Variants in NMRK2 observed in about 807,000 individuals in gnomAD.
NMRK2 encodes NRK 2.
A neutral mutation model predicts 24.7 loss-of-function variants in NMRK2; 34 were observed. That is an observed-to-expected ratio of 1.37 (90% CI 1.05 to 1.83). The LOEUF (loss-of-function observed/expected upper bound fraction) is 1.83, where lower values mean the gene tolerates loss of function less well. Among genes scored for constraint, NMRK2 ranks in the 40% most tolerant of loss-of-function variants. NMRK2 has a pLI of 0.00. For synonymous variants in NMRK2, 145 were observed against 125.6 expected, an observed-to-expected ratio of 1.15 and a Z score of -1.03; for missense variants, 341 against 315.0, an observed-to-expected ratio of 1.08 and a Z score of -0.62.
chr19:3,936,508 CCCTTCTGAGCACCCTGA>C lies in NMRK2; in HGVS notation c.27-60_27-44del, dbSNP rs2039216125. 44 of 1,201,082 alleles carry C rather than the reference CCCTTCTGAGCACCCTGA, an allele frequency of 3.7e-5. No homozygotes were observed. In the South Asian group the frequency reaches 6.0e-4, roughly 17 times the overall value. 74.4% of individuals were successfully genotyped at this position (1,201,082 alleles called of 1,614,324 possible). ...GGGAGCCCAGGCTGCACCTCAGGCCCCCTTCTGAGCACCCTGACCTTCTTGGGGGGAGCCCAGGCAGT... is the reference window on the plus strand; with the variant it reads ...GGGAGCCCAGGCTGCACCTCAGGCCCCCTTCTTGGGGGGAGCCCAGGCAGT... On this transcript the variant is annotated intron_variant, in intron 2 of 7. Transcript: ENST00000168977.
At chr19:3,941,491 G>T (rs1299796182) in intron 7 of NMRK2, among the ~76,000 whole-genome samples, 1 of 150,468 alleles carries the variant, frequency 6.6e-6, no homozygotes, top group Non-Finnish European at 1.5e-5. Context: ...GACCTTAGGT[G>T]ATCTGCCCTC....
chr19:3,935,401 AC>A (rs1172628298), intron 2 of NMRK2, among the ~76,000 whole-genome samples: 3 of 151,208 alleles, frequency 2.0e-5, no homozygotes, highest in Non-Finnish European at 4.4e-5. Context: ...GATTATAGGC[AC>A]CCACCACTAC....
chr19:3,938,824 T>TG, intron 5 of NMRK2, 65 bp downstream of exon 5: 1 of 378,858 alleles, frequency 2.6e-6, no homozygotes, highest in African/African-American at 5.5e-5. Flanking sequence ...CATCTCTTGT[T>TG]TTTTTTTTTT....
intron 7 of NMRK2, among the ~76,000 whole-genome samples, chr19:3,941,574 T>C (rs2145309451): frequency 1.3e-5 from 2 of 151,998 alleles, no homozygotes; most frequent in South Asian, 4.1e-4. Context: ...CGCCCTTCAG[T>C]ACTCCCCACT....
At chr19:3,937,164 CT>C in intron 3 of NMRK2, 75 bp from the exon 4 acceptor site, 1 of 1,496,656 alleles carries the variant, frequency 6.7e-7, no homozygotes, top group East Asian at 2.3e-5. Flanking sequence ...AAGGGACCCC[CT>C]AAGACTCCAT....
At chr19:3,941,890 C>T (rs1194126089) in intron 7 of NMRK2, among the ~76,000 whole-genome samples, 193 bp from the exon 8 acceptor site, 1 of 152,138 alleles carries the variant, frequency 6.6e-6, no homozygotes, top group African/African-American at 2.4e-5. Flanking sequence ...ATCCGCCTGC[C>T]TCGGCCTCCC....
chr19:3,939,762 C>A, intron 5 of NMRK2, 138 bp from the exon 6 acceptor site: 1 of 659,866 alleles, frequency 1.5e-6, no homozygotes. Context: ...GCTTCCCTCC[C>A]TGACCCCTAA....
At chr19:3,936,478 C>G in intron 2 of NMRK2, 97 bp from the exon 3 acceptor site, 1 of 738,610 alleles carries the variant, frequency 1.4e-6, no homozygotes, top group Non-Finnish European at 2.2e-6. Context: ...CATGGACAGG[C>G]CCCGGGGAGC....
chr19:3,935,046 T>C (rs1176176551), intron 2 of NMRK2, among the ~76,000 whole-genome samples: 1 of 151,940 alleles, frequency 6.6e-6, no homozygotes, highest in Non-Finnish European at 1.5e-5. Context: ...ATTTTAAAAA[T>C]TGGGTTTTAA....
chr19:3,942,121 C>T lies in NMRK2; in HGVS notation c.541C>T (p.Arg181Cys), dbSNP rs201732259. Reference protein sequence around the residue: ...DGMKSREELFREVLEDIQNSL... With the variant: ...DGMKSREELFCEVLEDIQNSL... The stretch of plus-strand genomic sequence containing the variant: ...CATGAAGTCCCGAGAGGAGCTCTTC[C>T]GTGAAGTCCTGGAAGACATTCAGAA... Residue 181 changes from arginine to cysteine, a missense_variant, in exon 8 of 8, where the codon CGT becomes TGT. Physicochemically the swap from Arg to Cys is radical, Grantham distance 180. Transcript: ENST00000168977. The T allele has an allele frequency of 5.0e-6, 8 of 1,613,334 alleles. No homozygotes were observed. The highest frequency in any genetic ancestry group is 2.7e-5 in the African/African-American group (2 of 75,068).
At position 3,936,564 on chromosome 19, in the gene NMRK2, T is replaced by C. The variant is rs1363970244; in HGVS notation, c.27-11T>C. On this transcript the variant is annotated splice_polypyrimidine_tract_variant and intron_variant, in intron 2 of 7. Coordinates refer to ENST00000168977, the MANE Select transcript of NMRK2 (RefSeq NM_170678.3). Reference sequence around the variant, plus strand: ...AGCCCAGGCAGTCTCATGCACACGCTGTCTCCCCAGCATGACCAACGGCGG... The same window carrying C: ...AGCCCAGGCAGTCTCATGCACACGCCGTCTCCCCAGCATGACCAACGGCGG... 6.5e-7 allele frequency: 1 copy of C among 1,542,170 alleles called. No individual in the cohort carries two copies. Among genetic ancestry groups the C allele is most frequent in the Non-Finnish European group, 8.7e-7 (1 of 1,146,166 alleles).
At chr19:3,942,039 C>G in intron 7 of NMRK2, 44 bp from the exon 8 acceptor site, 1 of 1,559,440 alleles carries the variant, frequency 6.4e-7, no homozygotes, top group Non-Finnish European at 8.8e-7. Context: ...CGTGCTCTGG[C>G]CCCCTTCCTC....
At chr19:3,933,806 T>C (rs1404407272) in intron 2 of NMRK2, 109 bp downstream of exon 2, 11 of 1,117,350 alleles carry the variant, frequency 9.8e-6, no homozygotes, top group Non-Finnish European at 1.3e-5. Flanking sequence ...TGAGGTCACC[T>C]ACACGCCGCC....
rs530696398 is a variant in NMRK2, at chr19:3,936,757, C to T, written c.117+92C>T. 79 of 1,089,138 alleles carry T rather than the reference C, an allele frequency of 7.3e-5. 1 individual carries two copies. Among genetic ancestry groups the T allele is most frequent in the Admixed American group, 2.8e-4 (11 of 39,350 alleles). The allele number at this position is 1,089,138 out of a possible 1,614,324, so 67.5% of individuals were successfully genotyped here. ...GCCCCGCCCTCCACTGCCCAGTGCC[C>T]GTGTGGGCTGGGCACTGGCTCCACT... On this transcript the variant is annotated intron_variant, in intron 3 of 7. Coordinates refer to ENST00000168977, the MANE Select transcript of NMRK2 (RefSeq NM_170678.3).
chr19:3,940,010 G>T (rs756309223), intron 6 of NMRK2, 39 bp downstream of exon 6: 2 of 1,574,750 alleles, frequency 1.3e-6, no homozygotes, highest in Non-Finnish European at 1.7e-6. Flanking sequence ...GCTCCTGAGG[G>T]CCCTGTCTTG....
At chr19:3,934,116 T>C (rs1026119838) in intron 2 of NMRK2, among the ~76,000 whole-genome samples, 1 of 151,904 alleles carries the variant, frequency 6.6e-6, no homozygotes, top group Non-Finnish European at 1.5e-5. Flanking sequence ...GGCACGGTGG[T>C]GCATACCTGT....
Position 3,941,097 on chromosome 19 carries a change from C to G in NMRK2, c.422C>G (p.Pro141Arg). The G allele has an allele frequency of 6.2e-7, 1 of 1,613,796 alleles. No individual in the cohort carries two copies. The highest frequency in any genetic ancestry group is 8.5e-7 in the Non-Finnish European group (1 of 1,179,726). The change falls in exon 7 of 8, where the codon CCC (proline) becomes CGC (arginine). Residue 141 changes from proline to arginine, a missense_variant. Coordinates refer to ENST00000168977, the MANE Select transcript of NMRK2 (RefSeq NM_170678.3). ...RSTRNYTVPD[P>R]PGLFDGHVWP... is the part of the protein sequence containing the mutation. ...ACCCGCAACTACACAGTCCCTGATCCCCCCGGCCTCTTCGATGGCCACGTG... is the reference window on the plus strand; with the variant it reads ...ACCCGCAACTACACAGTCCCTGATCGCCCCGGCCTCTTCGATGGCCACGTG...
chr19:3,939,975 C>T lies in NMRK2; in HGVS notation c.395+4C>T. ...AAGAGTGCAAGTGGAGGAGAAGGTG[C>T]ACTTGGTGTCTGGGGGTGCGGTGGG... On this transcript the variant is annotated splice_donor_region_variant and intron_variant, in intron 6 of 7. Transcript: ENST00000168977. 6.2e-7 allele frequency: 1 copy of T among 1,612,490 alleles called. No homozygotes were observed. The highest frequency in any genetic ancestry group is 8.5e-7 in the Non-Finnish European group (1 of 1,178,780).
At chr19:3,933,788 C>T (rs2039161487) in intron 2 of NMRK2, 91 bp downstream of exon 2, 8 of 1,272,396 alleles carry the variant, frequency 6.3e-6, no homozygotes, top group Non-Finnish European at 8.1e-6. Context: ...GGAGGGATGC[C>T]TGGCGCCTGA....
Sources: gnomAD v4.1 joint callset for allele counts (sites outside exome capture counted in the v4.1 genomes callset) on GRCh38, gnomAD v4.1.1 for gene constraint, MANE v1.5 for transcripts, NCBI Gene and HGNC (gene_info 2026-07-23, HGNC 2026-07-21) for gene names.